The following DNAI1 variants were observed in gnomAD, a reference collection of about 807,000 sequenced individuals.
DNAI1 encodes the protein dynein, axonemal, intermediate polypeptide 1.
In DNAI1, 67 loss-of-function variants were observed where a neutral mutation model predicts 92.0. The observed-to-expected ratio is 0.73, with a 90% CI of 0.60 to 0.89. The LOEUF (loss-of-function observed/expected upper bound fraction) is 0.89, where lower values mean the gene tolerates loss of function less well. Ranked by LOEUF, DNAI1 falls within the 40% of genes least tolerant of loss-of-function variation. The pLI is 0.00. For missense variants in DNAI1, 839 were observed against 866.6 expected (o/e 0.97, Z 0.40); for synonymous variants, 323 against 319.6 (o/e 1.01, Z -0.11).
Position 34,497,119 on chromosome 9 carries a change from A to C in DNAI1, c.821A>C (p.Asp274Ala), listed in dbSNP as rs754629489. 5 of 1,613,878 alleles carry C rather than the reference A, an allele frequency of 3.1e-6. No individual in the cohort carries two copies. Among genetic ancestry groups the C allele is most frequent in the Non-Finnish European group, 3.4e-6 (4 of 1,179,744 alleles). ...GAAGTTTCTGTATCCCCACAGACTG[A>C]TGATCTCATCAAATTGTCCCAAGCT... ...RKLTSMESQT[D>A]DLIKLSQAAK... The change falls in exon 10 of 20, where the codon GAT becomes GCT. Residue 274 changes from aspartate (D) to alanine (A), a missense_variant. Asp to Ala is a moderately radical substitution (Grantham distance 126). Coordinates refer to ENST00000242317, the MANE Select transcript of DNAI1 (RefSeq NM_012144.4).
chr9:34,479,649 A>G (rs1241957931), intron 1 of DNAI1, among the ~76,000 whole-genome samples: 2 of 152,042 alleles, frequency 1.3e-5, no homozygotes, highest in Non-Finnish European at 2.9e-5. Flanking sequence ...CCTGTGCTCT[A>G]TTGTGAGCCT....
chr9:34,460,411 A>C (rs930627622), intron 1 of DNAI1, among the ~76,000 whole-genome samples: 3 of 152,190 alleles, frequency 2.0e-5, no homozygotes, highest in African/African-American at 2.4e-5. Flanking sequence ...TCTCCATGCT[A>C]CTTATGACTT....
At chr9:34,467,991 G>A (rs911406810) in intron 1 of DNAI1, among the ~76,000 whole-genome samples, 3 of 152,162 alleles carry the variant, frequency 2.0e-5, no homozygotes, top group African/African-American at 7.2e-5. Context: ...CTTTAAAGCA[G>A]CTGTTATAAA....
chr9:34,517,419 G>T lies in DNAI1; in HGVS notation c.1953G>T (p.Gly651=), dbSNP rs761686427. The T allele has an allele frequency of 6.2e-7, 1 of 1,614,214 alleles. No homozygotes were observed. The highest frequency in any genetic ancestry group is 1.1e-5 in the South Asian group (1 of 91,086). Reference sequence around the variant, plus strand: ...TCATCATTGTGGGCGATGACCGTGGGCACATCATCAGCCTCAAGCTCTCAC... The same window carrying T: ...TCATCATTGTGGGCGATGACCGTGGTCACATCATCAGCCTCAAGCTCTCAC... ...HPIIIVGDDR[G]HIISLKLSPN... Residue 651 remains glycine (G), a synonymous_variant, in exon 19 of 20, where the codon GGG becomes GGT. Coordinates refer to ENST00000242317, the MANE Select transcript of DNAI1 (RefSeq NM_012144.4).
Position 34,514,679 on chromosome 9 carries a change from T to A in DNAI1, c.1758T>A (p.Gly586=), listed in dbSNP as rs758117826. The A allele has an allele frequency of 1.2e-6, 2 of 1,613,948 alleles. No homozygotes were observed. Among genetic ancestry groups the A allele is most frequent in the East Asian group, 4.5e-5 (2 of 44,888 alleles). The part of the protein sequence containing the change: ...MFIYDLNSAV[G]DVAWAPYSST... Reference sequence around the variant, plus strand: ...TCTATGACCTGAACTCAGCCGTGGGTGATGTGGCCTGGGCGCCATACTCTT... The same window carrying A: ...TCTATGACCTGAACTCAGCCGTGGGAGATGTGGCCTGGGCGCCATACTCTT... Residue 586 remains glycine, a synonymous_variant, in exon 18 of 20, where the codon GGT becomes GGA. Transcript: ENST00000242317.
intron 13 of DNAI1, among the ~76,000 whole-genome samples, chr9:34,510,346 G>A (rs1028761472): frequency 6.6e-6 from 1 of 152,168 alleles, no homozygotes; most frequent in African/African-American, 2.4e-5. Flanking sequence ...AACACTCTGT[G>A]GGGTGTGTGT....
chr9:34,512,973 C>A, intron 15 of DNAI1, 139 bp from the exon 16 acceptor site: 1 of 780,454 alleles, frequency 1.3e-6, no homozygotes. Context: ...CCAGCCCTTA[C>A]AGGGGCCCTA....
chr9:34,493,265 G>C lies in DNAI1; in HGVS notation c.753G>C (p.Lys251Asn), dbSNP rs1167979080. 2 of 1,614,190 alleles carry C rather than the reference G, an allele frequency of 1.2e-6. No individual in the cohort carries two copies. Among genetic ancestry groups the C allele is most frequent in the Non-Finnish European group, 1.7e-6 (2 of 1,180,038 alleles). Residue 251 changes from lysine to asparagine, a missense_variant, in exon 9 of 20, where the codon AAG becomes AAC. Physicochemically the swap from Lys to Asn is moderately conservative, Grantham distance 94 (BLOSUM62 0). Coordinates refer to ENST00000242317, the MANE Select transcript of DNAI1 (RefSeq NM_012144.4). ...AGACCAAAGAGAAGGAGAAGGCAAA[G>C]ACCCCAGTGGCTAAAAAATCAGGGA... ...QEKTKEKEKA[K>N]TPVAKKSGKM...
At chr9:34,463,123 A>C (rs1170232879) in intron 1 of DNAI1, among the ~76,000 whole-genome samples, 1 of 152,080 alleles carries the variant, frequency 6.6e-6, no homozygotes, top group East Asian at 1.9e-4. Context: ...AAAGACCTGA[A>C]GGAAATGAAA....
At chr9:34,502,483 G>GGGGTT (rs1226638392) in intron 12 of DNAI1, among the ~76,000 whole-genome samples, 1 of 152,170 alleles carries the variant, frequency 6.6e-6, no homozygotes, top group African/African-American at 2.4e-5. Flanking sequence ...CAGGGGTGTA[G>GGGGTT]GGGTTGCTCC....
In DNAI1 at chr9:34,500,815, GCCTGTCCGTCACTGC is replaced by G; in HGVS notation, c.999_1013del (p.Ser334_Leu338del). 6.2e-7 allele frequency: 1 copy of G among 1,614,098 alleles called. No homozygotes were observed. Among genetic ancestry groups the G allele is most frequent in the East Asian group, 2.2e-5 (1 of 44,888 alleles). ...AAGTTCCAAAATGACAAAGCCAAGC[GCCTGTCCGTCACTGC>G]CCTCTGCTGGTAAGTATAGGCATTG... On this transcript the variant is annotated inframe_deletion, in exon 11 of 20. Coordinates refer to ENST00000242317, the MANE Select transcript of DNAI1 (RefSeq NM_012144.4).
At chr9:34,459,398 C>T (rs1392926508) in intron 1 of DNAI1, among the ~76,000 whole-genome samples, 1 of 152,068 alleles carries the variant, frequency 6.6e-6, no homozygotes, top group Non-Finnish European at 1.5e-5. Flanking sequence ...CCTCCTTGTT[C>T]TCACATTCTT....
At position 34,500,655 on chromosome 9, in the gene DNAI1, A is replaced by T. The variant is rs1824810683; in HGVS notation, c.902-67A>T. 5.6e-6 allele frequency: 6 copies of T among 1,070,016 alleles called. No individual in the cohort carries two copies. The South Asian group carries it at 7.7e-5, about 14-fold the overall frequency. The allele number at this position is 1,070,016 out of a possible 1,614,324, so 66.3% of individuals were successfully genotyped here. ...TTTTGCCCAAGGAGGTACAGACAGT[A>T]AGTGGTGGACCTGGGTTTGCCATAA... On this transcript the variant is annotated intron_variant, in intron 10 of 19. Transcript: ENST00000242317.
At chr9:34,517,681 A>G (rs1023132356) in intron 19 of DNAI1, among the ~76,000 whole-genome samples, 1 of 152,222 alleles carries the variant, frequency 6.6e-6, no homozygotes, top group African/African-American at 2.4e-5. Context: ...GTGGGGCCCC[A>G]GGTGACTTTC....
At chr9:34,490,698 G>A (rs1364688370) in intron 7 of DNAI1, among the ~76,000 whole-genome samples, 1 of 152,212 alleles carries the variant, frequency 6.6e-6, no homozygotes, top group Non-Finnish European at 1.5e-5. Flanking sequence ...TAACATGGAG[G>A]CTAGAGCTCC....
At chr9:34,505,827 C>T (rs1400394820) in intron 12 of DNAI1, among the ~76,000 whole-genome samples, 3 of 152,258 alleles carry the variant, frequency 2.0e-5, no homozygotes, top group Non-Finnish European at 4.4e-5. Flanking sequence ...TCCACCTCTC[C>T]AGCTTCGGCT....
At position 34,517,272 on chromosome 9, in the gene DNAI1, G is replaced by A. The variant is rs1049775659; in HGVS notation, c.1819-13G>A. On this transcript the variant is annotated splice_polypyrimidine_tract_variant and intron_variant, in intron 18 of 19. Transcript: ENST00000242317. ...CATTACCCCTGAGTGTGCTGACACCGACCTCTCCACAGGCCCACATATTTG... is the reference window on the plus strand; with the variant it reads ...CATTACCCCTGAGTGTGCTGACACCAACCTCTCCACAGGCCCACATATTTG... 3 of 1,612,658 alleles carry A rather than the reference G, an allele frequency of 1.9e-6. No individual in the cohort carries two copies. The highest frequency in any genetic ancestry group is 2.2e-5 in the East Asian group (1 of 44,822).
chr9:34,499,509 C>T (rs1041068800), intron 10 of DNAI1, among the ~76,000 whole-genome samples: 6 of 151,994 alleles, frequency 3.9e-5, no homozygotes, highest in Admixed American at 1.3e-4. Flanking sequence ...ATATGTGTGT[C>T]CTGCTCTCCA....
chr9:34,475,023 A>G (rs1010345433), intron 1 of DNAI1, among the ~76,000 whole-genome samples: 2 of 152,234 alleles, frequency 1.3e-5, no homozygotes, highest in African/African-American at 4.8e-5. Context: ...GTTACCCTGC[A>G]TAGACCACTA....
Sources: gnomAD v4.1 joint callset for allele counts (sites outside exome capture counted in the v4.1 genomes callset) on GRCh38, gnomAD v4.1.1 for gene constraint, MANE v1.5 for transcripts, NCBI Gene and HGNC (gene_info 2026-07-23, HGNC 2026-07-21) for gene names.